PHKA2: variants seen among roughly 807,000 people sequenced by gnomAD.
PHKA2 encodes phosphorylase b kinase regulatory subunit alpha, liver isoform.
In PHKA2, 31 loss-of-function variants were observed where a neutral mutation model predicts 102.0. That is an observed-to-expected ratio of 0.30 (90% confidence interval 0.23 to 0.41). The LOEUF is 0.41. Ranked by LOEUF, PHKA2 falls within the 10% of genes least tolerant of loss-of-function variation. The probability of loss-of-function intolerance (pLI) is 1.00; values close to 1 mark genes in which losing one functional copy is unlikely to be tolerated. For synonymous variants in PHKA2, 455 were observed against 416.2 expected (o/e 1.09, Z -1.13); for missense variants, 858 against 1,023.1 (o/e 0.84, Z 2.20).
chrX:18,927,813 A>G lies in PHKA2; in HGVS notation c.1325-1226T>C, dbSNP rs149650276. On this transcript the variant is annotated intron_variant, in intron 13 of 32. Coordinates refer to ENST00000379942, the MANE Select transcript of PHKA2 (RefSeq NM_000292.3). ...GCTTTCCTTAACACCTGTCTCTTCT[A>G]AAGCTTCCAATGACAGGCATGACTC... Among the ~76,000 whole-genome samples the G allele has an allele frequency of 6.7e-3, 743 of 111,123 alleles. 1 individual carries two copies. Among genetic ancestry groups the G allele is most frequent in the South Asian group, 0.016 (41 of 2,591 alleles).
intron 28 of PHKA2, 147 bp from the exon 29 acceptor site, chrX:18,899,373 T>C (rs1569291913): frequency 1.9e-6 from 1 of 533,893 alleles, no homozygotes; most frequent in South Asian, 2.5e-5. Context: ...GCAACGCACA[T>C]AGGCAAGCTC....
Position 18,897,321 on chromosome X carries a change from G to A in PHKA2, c.3124C>T (p.Pro1042Ser). Residue 1042 changes from proline to serine, a missense_variant, in exon 30 of 33, where the codon CCA becomes TCA. This residue lies in a region of PHKA2 where 671 missense variants were observed against 745.2 expected (regional missense o/e 0.90). Coordinates refer to ENST00000379942, the MANE Select transcript of PHKA2 (RefSeq NM_000292.3). ...HSSKSARSST[P>S]SSPTGTSSSD... ...GATGACGTGCCAGTGGGCGAGGATG[G>A]GGTGCTGGACCTCTGCAAGACAGAC... is the stretch of plus-strand genomic sequence containing the variant. 2 of 1,209,221 alleles carry A rather than the reference G, an allele frequency of 1.7e-6. No homozygotes were observed. Among genetic ancestry groups the A allele is most frequent in the East Asian group, 3.0e-5 (1 of 33,819 alleles).
At chrX:18,943,257 ATTTCCCATC>A (rs774940830) in intron 7 of PHKA2, among the ~76,000 whole-genome samples, 25 of 111,386 alleles carry the variant, frequency 2.2e-4, no homozygotes, top group Non-Finnish European at 4.3e-4. Flanking sequence ...GGTTGTACTA[ATTTCCCATC>A]TTTCCCATCT....
chrX:18,928,152 T>C (rs1458917500), intron 13 of PHKA2, among the ~76,000 whole-genome samples: 1 of 112,299 alleles, frequency 8.9e-6, no homozygotes, highest in African/African-American at 3.2e-5. Context: ...TCAGTCCACC[T>C]GGAAGTCAGG....
At chrX:18,981,972 G>A (rs1361493884) in intron 1 of PHKA2, among the ~76,000 whole-genome samples, 1 of 111,984 alleles carries the variant, frequency 8.9e-6, no homozygotes, top group Non-Finnish European at 1.9e-5. Context: ...ACCCAGGTCT[G>A]ACAAAAGAAC....
chrX:18,908,633 C>T (rs2047867657), intron 21 of PHKA2, among the ~76,000 whole-genome samples, 168 bp downstream of exon 21: 2 of 111,757 alleles, frequency 1.8e-5, no homozygotes, highest in African/African-American at 6.5e-5. Flanking sequence ...TGTCAGGATG[C>T]AATGAGAAGA....
At chrX:18,907,724 C>T (rs1469333688) in intron 22 of PHKA2, among the ~76,000 whole-genome samples, 176 bp downstream of exon 22, 1 of 112,008 alleles carries the variant, frequency 8.9e-6, no homozygotes, top group Non-Finnish European at 1.9e-5. Context: ...CATTTCCTTC[C>T]CTCTGCTCGC....
intron 6 of PHKA2, 135 bp downstream of exon 6, chrX:18,944,943 C>A: frequency 1.9e-6 from 1 of 537,638 alleles, no homozygotes. Flanking sequence ...GGTAACTGTG[C>A]CACTTGAATT....
intron 1 of PHKA2, among the ~76,000 whole-genome samples, chrX:18,966,937 G>A (rs2048953982): frequency 8.9e-6 from 1 of 111,788 alleles, no homozygotes; most frequent in African/African-American, 3.3e-5. Context: ...GGCGAGGCTG[G>A]TGGCTCAGAC....
chrX:18,951,069 T>A lies in PHKA2; in HGVS notation c.454+35A>T, dbSNP rs199798526. Reference sequence around the variant, plus strand: ...TCCCACCCCTTTTCCGGATTGTCACTCCTTATACAATGGGCTCCAGCAACC... The same window carrying A: ...TCCCACCCCTTTTCCGGATTGTCACACCTTATACAATGGGCTCCAGCAACC... On this transcript the variant is annotated intron_variant, in intron 4 of 32. Coordinates refer to ENST00000379942, the MANE Select transcript of PHKA2 (RefSeq NM_000292.3). 5.5e-4 allele frequency: 663 copies of A among 1,198,761 alleles called. 1 individual carries two copies. In the African/African-American group the frequency reaches 0.01, roughly 18 times the overall value.
At chrX:18,966,860 G>T (rs2048952464) in intron 1 of PHKA2, among the ~76,000 whole-genome samples, 1 of 111,887 alleles carries the variant, frequency 8.9e-6, no homozygotes, top group Non-Finnish European at 1.9e-5. Flanking sequence ...GCGGGGAGAA[G>T]TACAGGGAAG....
chrX:18,927,378 T>C (rs1239567820), intron 13 of PHKA2, among the ~76,000 whole-genome samples: 1 of 111,942 alleles, frequency 8.9e-6, no homozygotes, highest in Non-Finnish European at 1.9e-5. Context: ...GACAGTGCTT[T>C]GGCAAAGGGA....
intron 1 of PHKA2, among the ~76,000 whole-genome samples, chrX:18,957,738 T>TTATATATATATATATACATA (rs2048804141): frequency 1.1e-5 from 1 of 95,182 alleles, no homozygotes; most frequent in African/African-American, 4.4e-5. Context: ...TAAAACCAGA[T>TTATATATATATATATACATA]TATATATATA....
intron 4 of PHKA2, 107 bp downstream of exon 4, chrX:18,950,997 C>A: frequency 1.3e-6 from 1 of 759,043 alleles, no homozygotes. Flanking sequence ...TTTATTAAAG[C>A]AGTGAAGCAG....
intron 1 of PHKA2, 127 bp from the exon 2 acceptor site, chrX:18,954,539 T>C (rs996572216): frequency 1.7e-6 from 1 of 592,266 alleles, no homozygotes; most frequent in Non-Finnish European, 2.7e-6. Flanking sequence ...TTCCAGTCCT[T>C]GCTCTGCCCC....
At chrX:18,904,864 G>A (rs1030276887) in intron 26 of PHKA2, among the ~76,000 whole-genome samples, 3 of 111,844 alleles carry the variant, frequency 2.7e-5, no homozygotes, top group South Asian at 3.7e-4. Flanking sequence ...TTTATGAGGA[G>A]GAGAAATGAT....
chrX:18,917,225 A>G (rs189025223), intron 19 of PHKA2, among the ~76,000 whole-genome samples: 6 of 109,530 alleles, frequency 5.5e-5, no homozygotes, highest in African/African-American at 1.3e-4. Flanking sequence ...CAAGAAGACA[A>G]TAAGTCATAC....
intron 1 of PHKA2, among the ~76,000 whole-genome samples, chrX:18,955,986 A>C (rs1002198481): frequency 1.8e-5 from 2 of 112,679 alleles, no homozygotes; most frequent in Admixed American, 1.9e-4. Flanking sequence ...TACAAATCTT[A>C]TTCCAATAGT....
At chrX:18,965,657 G>A (rs1388871567) in intron 1 of PHKA2, among the ~76,000 whole-genome samples, 1 of 110,264 alleles carries the variant, frequency 9.1e-6, no homozygotes, top group Admixed American at 9.7e-5. Context: ...TTGTGCGAGC[G>A]TTTTTTCTAA....
Sources: allele counts gnomAD v4.1 joint callset (sites outside exome capture counted in the v4.1 genomes callset), GRCh38; gene constraint gnomAD v4.1.1; regional missense constraint gnomAD v4.1.1; transcripts MANE v1.5; gene names NCBI Gene and HGNC (gene_info 2026-07-23, HGNC 2026-07-21).